Variants in PHF14 observed in about 807,000 individuals in gnomAD.
PHF14 encodes the protein PHD finger protein 14.
A neutral mutation model predicts 117.9 loss-of-function variants in PHF14; 55 were observed. The observed-to-expected ratio is 0.47, with a 90% confidence interval of 0.38 to 0.58. The LOEUF is 0.58. PHF14 is among the 20% of genes least tolerant of loss of function. The pLI is 0.00. For missense variants in PHF14, 978 were observed against 1,122.2 expected, an observed-to-expected ratio of 0.87 and a Z score of 1.84; for synonymous variants, 409 against 368.6, an observed-to-expected ratio of 1.11 and a Z score of -1.26.
At chr7:11,154,932 G>A (rs1411671673) in intron 17 of PHF14, among the ~76,000 whole-genome samples, 1 of 151,846 alleles carries the variant, frequency 6.6e-6, no homozygotes, top group Non-Finnish European at 1.5e-5. Context: ...GGTAGAATTG[G>A]CTTCTATTTA....
intron 17 of PHF14, among the ~76,000 whole-genome samples, chr7:11,147,309 CAGG>C (rs1212294085): frequency 6.6e-6 from 1 of 152,154 alleles, no homozygotes; most frequent in Non-Finnish European, 1.5e-5. Context: ...TCAAGGCCGT[CAGG>C]AGTGATTTTT....
At chr7:10,983,455 T>G (rs187848626) in intron 3 of PHF14, among the ~76,000 whole-genome samples, 1 of 152,208 alleles carries the variant, frequency 6.6e-6, no homozygotes, top group Non-Finnish European at 1.5e-5. Context: ...TTCTCCTTTT[T>G]ATCCCTTTAC....
intron 4 of PHF14, among the ~76,000 whole-genome samples, chr7:11,003,714 T>C (rs540949187): frequency 1.8e-4 from 27 of 152,274 alleles, no homozygotes; most frequent in African/African-American, 6.3e-4. Flanking sequence ...ACAGTACAAG[T>C]TTATTACCTT....
intron 16 of PHF14, chr7:11,104,177 C>T: frequency 2.0e-6 from 2 of 983,686 alleles, no homozygotes; most frequent in South Asian, 9.4e-5. Context: ...ATCCTTTTCA[C>T]TTTGATTCCA....
At chr7:11,097,480 T>C (rs1208979235) in intron 16 of PHF14, among the ~76,000 whole-genome samples, 2 of 152,178 alleles carry the variant, frequency 1.3e-5, no homozygotes, top group Non-Finnish European at 2.9e-5. Flanking sequence ...TAGTAGGCCT[T>C]TATCATTTGA....
intron 12 of PHF14, 84 bp downstream of exon 12, chr7:11,040,859 T>C (rs1583402210): frequency 4.8e-6 from 3 of 627,976 alleles, no homozygotes; most frequent in Non-Finnish European, 7.7e-6. Context: ...CCTGCAAATA[T>C]TTGAGAATGA....
At chr7:11,166,182 C>T (rs545963329) in intron 17 of PHF14, among the ~76,000 whole-genome samples, 2 of 152,114 alleles carry the variant, frequency 1.3e-5, no homozygotes, top group African/African-American at 4.8e-5. Flanking sequence ...TTCCAGTAGC[C>T]TCAAAGGATA....
intron 4 of PHF14, among the ~76,000 whole-genome samples, chr7:10,992,545 C>G (rs1005478016): frequency 9.2e-5 from 14 of 151,838 alleles, no homozygotes; most frequent in Non-Finnish European, 1.9e-4. Flanking sequence ...TACCTGTAAT[C>G]CCAGTTACTC....
chr7:11,020,623 C>T (rs562033116), intron 5 of PHF14, among the ~76,000 whole-genome samples: 1 of 152,250 alleles, frequency 6.6e-6, no homozygotes, highest in South Asian at 2.1e-4. Flanking sequence ...AAGTGATCCT[C>T]CTACCTCTGC....
At chr7:11,144,792 T>C (rs1583499609) in intron 17 of PHF14, among the ~76,000 whole-genome samples, 2 of 151,820 alleles carry the variant, frequency 1.3e-5, no homozygotes, top group South Asian at 2.1e-4. Flanking sequence ...ATCTGAGATG[T>C]ACTACAACAT....
intron 16 of PHF14, among the ~76,000 whole-genome samples, chr7:11,095,899 T>G (rs1378520310): frequency 6.6e-6 from 1 of 152,116 alleles, no homozygotes; most frequent in East Asian, 1.9e-4. Flanking sequence ...GATCTTTTTC[T>G]AGTTGTTCTC....
chr7:11,061,402 A>T (rs188194780), intron 14 of PHF14: 1 of 155,486 alleles, frequency 6.4e-6, no homozygotes, highest in African/African-American at 2.4e-5. Context: ...GTGTAGTATG[A>T]TCCCAGGTTT....
chr7:10,990,863 T>C lies in PHF14; in HGVS notation c.1045+16T>C. ...GTCCATGAAGGTAATGTTGCTTTCT[T>C]TTCTCTCTTTTTAGAAATGGCTGAC... is the stretch of plus-strand genomic sequence containing the variant. On this transcript the variant is annotated intron_variant, in intron 4 of 17. Transcript: ENST00000634607. 1.3e-6 allele frequency: 2 copies of C among 1,549,414 alleles called. No individual in the cohort carries two copies. The highest frequency in any genetic ancestry group is 2.4e-5 in the South Asian group (2 of 82,184).
intron 5 of PHF14, among the ~76,000 whole-genome samples, chr7:11,021,759 A>C (rs1259052910): frequency 6.6e-6 from 1 of 152,166 alleles, no homozygotes; most frequent in African/African-American, 2.4e-5. Context: ...CATTCTATCA[A>C]GAAAATCTCA....
intron 14 of PHF14, among the ~76,000 whole-genome samples, chr7:11,056,450 A>T (rs983376939): frequency 1.3e-5 from 2 of 152,104 alleles, no homozygotes. Flanking sequence ...TTTTCTTTTT[A>T]TTCTCCCATA....
At chr7:11,146,033 G>C (rs1010049032) in intron 17 of PHF14, among the ~76,000 whole-genome samples, 1 of 151,964 alleles carries the variant, frequency 6.6e-6, no homozygotes, top group African/African-American at 2.4e-5. Context: ...TAAATGTCTT[G>C]TTGGAAAATC....
chr7:11,075,158 C>G (rs1276410196), intron 16 of PHF14, among the ~76,000 whole-genome samples: 4 of 151,986 alleles, frequency 2.6e-5, no homozygotes, highest in Non-Finnish European at 5.9e-5. Context: ...AGGCTGGTCT[C>G]AAACTCCTGA....
chr7:11,058,744 T>C (rs1428483384), intron 14 of PHF14, among the ~76,000 whole-genome samples: 3 of 152,330 alleles, frequency 2.0e-5, no homozygotes, highest in East Asian at 3.9e-4. Context: ...CTGAATGATT[T>C]AGCTCATTTC....
At chr7:11,006,541 G>A (rs1783106833) in intron 4 of PHF14, 4 of 582,734 alleles carry the variant, frequency 6.9e-6, no homozygotes, top group Non-Finnish European at 1.3e-5. Context: ...TTCACAGCCT[G>A]TTTGATCTGG....
Sources: gnomAD v4.1 joint callset for allele counts (sites outside exome capture counted in the v4.1 genomes callset) on GRCh38, gnomAD v4.1.1 for gene constraint, MANE v1.5 for transcripts, NCBI Gene and HGNC (gene_info 2026-07-23, HGNC 2026-07-21) for gene names.